The following NR3C1 variants were observed in gnomAD, a reference collection of about 807,000 sequenced individuals.
NR3C1 encodes nuclear receptor subfamily 3 group C member 1.
Under a neutral mutation model 74.0 loss-of-function variants are expected in NR3C1, and 14 were observed. That is an observed-to-expected ratio of 0.19 (90% CI 0.12 to 0.30). The LOEUF (loss-of-function observed/expected upper bound fraction) is 0.30, where lower values mean the gene tolerates loss of function less well. Among genes scored for constraint, NR3C1 ranks in the 10% least tolerant of loss-of-function variants. The pLI is 1.00. For missense variants in NR3C1, 695 were observed against 909.8 expected, an observed-to-expected ratio of 0.76 and a Z score of 3.04; for synonymous variants, 308 against 332.5, an observed-to-expected ratio of 0.93 and a Z score of 0.80.
At chr5:143,376,802 G>C (rs1348872300) in intron 2 of NR3C1, among the ~76,000 whole-genome samples, 1 of 152,160 alleles carries the variant, frequency 6.6e-6, no homozygotes, top group Non-Finnish European at 1.5e-5. Context: ...TCCAGGTGTA[G>C]CTGTGTACCA....
At chr5:143,380,050 G>A (rs1835904254) in intron 2 of NR3C1, among the ~76,000 whole-genome samples, 1 of 152,106 alleles carries the variant, frequency 6.6e-6, no homozygotes, top group Non-Finnish European at 1.5e-5. Flanking sequence ...ATCTAAGTGG[G>A]AAGGCACCCA....
upstream of NR3C1, chr5:143,404,057 G>A (rs968282972): frequency 8.1e-6 from 8 of 985,208 alleles, no homozygotes; most frequent in African/African-American, 1.8e-5. Context: ...CCTCCTTCCC[G>A]CCCCCGCCCA....
intron 7 of NR3C1, among the ~76,000 whole-genome samples, chr5:143,283,584 G>A (rs917189027): frequency 3.3e-5 from 5 of 152,146 alleles, no homozygotes; most frequent in African/African-American, 1.2e-4. Context: ...CTTTAAAATC[G>A]GCATGCAATA....
At chr5:143,424,381 A>T (rs1033955059) in intron 1 of NR3C1, among the ~76,000 whole-genome samples, 8 of 152,132 alleles carry the variant, frequency 5.3e-5, no homozygotes, top group Non-Finnish European at 1.2e-4. Context: ...AATGCTTCTA[A>T]CACAAATACA....
chr5:143,406,036 C>T (rs1841089023), upstream of NR3C1, among the ~76,000 whole-genome samples: 1 of 151,884 alleles, frequency 6.6e-6, no homozygotes, highest in Non-Finnish European at 1.5e-5. Flanking sequence ...GTTAAATAGC[C>T]CATGCTAATA....
intron 2 of NR3C1, among the ~76,000 whole-genome samples, chr5:143,368,782 C>T (rs757375343): frequency 1.3e-5 from 2 of 152,000 alleles, no homozygotes; most frequent in East Asian, 1.9e-4. Context: ...TAACTGAATA[C>T]GTGAGACTGT....
chr5:143,309,211 C>A (rs1820350962), intron 4 of NR3C1, among the ~76,000 whole-genome samples: 1 of 151,790 alleles, frequency 6.6e-6, no homozygotes, highest in Non-Finnish European at 1.5e-5. Flanking sequence ...GTAGCTGGGA[C>A]TACAGGTGAC....
intron 8 of NR3C1, among the ~76,000 whole-genome samples, 186 bp downstream of exon 8, chr5:143,282,382 A>G (rs1374085320): frequency 7.1e-6 from 1 of 141,402 alleles, no homozygotes; most frequent in Non-Finnish European, 1.5e-5. Flanking sequence ...GTGAAAGGAT[A>G]TTTCATAATT....
At chr5:143,345,459 CT>C in intron 2 of NR3C1, among the ~76,000 whole-genome samples, 1 of 152,226 alleles carries the variant, frequency 6.6e-6, no homozygotes, top group Non-Finnish European at 1.5e-5. Context: ...ACCCGCCTGC[CT>C]TGGCCTCCCA....
In NR3C1 at chr5:143,394,186, C is replaced by A. The variant is rs61751246; in HGVS notation, c.1184+5470G>T. On this transcript the variant is annotated intron_variant, in intron 2 of 8. Coordinates refer to ENST00000394464, the MANE Select transcript of NR3C1 (RefSeq NM_000176.3). Reference sequence around the variant, plus strand: ...TATTTAAAAGCACTCGAAATTAATACTTGGGTTACTCTGAAAAAGCATGTT... The same window carrying A: ...TATTTAAAAGCACTCGAAATTAATAATTGGGTTACTCTGAAAAAGCATGTT... 4.2e-3 allele frequency among the ~76,000 whole-genome samples: 645 copies of A among 152,082 alleles called. 2 individuals carry two copies. Among genetic ancestry groups the A allele is most frequent in the African/African-American group, 0.015 (619 of 41,524 alleles).
rs1473567916 is a variant in NR3C1 at position 143,400,458 on chromosome 5, T to C, written c.382A>G (p.Asn128Asp). ...GGAACACTGGTCGACCTATTGAGGT[T>C]TGCAATGCTTTCTTCCAAAAGCTTT... ...DLKLLEESIA[N>D]LNRSTSVPEN... Residue 128 changes from asparagine to aspartate, a missense_variant, in exon 2 of 9, where the codon AAC becomes GAC. Asn to Asp is a conservative substitution (Grantham distance 23). Around this residue, in one of 4 missense-constraint regions of NR3C1, gnomAD observed 497 missense variants for 489.5 expected, o/e 1.02. Transcript: ENST00000394464. The C allele has an allele frequency of 2.5e-6, 4 of 1,614,208 alleles. No individual in the cohort carries two copies. The highest frequency in any genetic ancestry group is 3.4e-6 in the Non-Finnish European group (4 of 1,180,028).
intron 4 of NR3C1, among the ~76,000 whole-genome samples, chr5:143,302,259 A>G (rs758184386): frequency 5.3e-5 from 8 of 152,186 alleles, no homozygotes; most frequent in Non-Finnish European, 8.8e-5. Context: ...TAAGTACCAC[A>G]TAACAACTAT....
chr5:143,402,616 C>G (rs1840513857), intron 1 of NR3C1: 1 of 985,502 alleles, frequency 1.0e-6, no homozygotes, highest in South Asian at 4.7e-5. Flanking sequence ...TGAGTTCTCT[C>G]TCCGACACGC....
At chr5:143,282,476 TG>T in intron 8 of NR3C1, 91 bp downstream of exon 8, 1 of 1,283,264 alleles carries the variant, frequency 7.8e-7, no homozygotes. Context: ...GGGGCGGGGG[TG>T]GGGGCGCTGC....
In NR3C1 at chr5:143,341,673, A is replaced by T. The variant is rs1223383033; in HGVS notation, c.1185-27505T>A. On this transcript the variant is annotated intron_variant, in intron 2 of 8. Coordinates refer to ENST00000394464, the MANE Select transcript of NR3C1 (RefSeq NM_000176.3). ...CCACCAGAAAGTTGAAAGTGAAATG[A>T]TGTTATTTAATATAAACCTGTTCTT... 2.0e-5 allele frequency among the ~76,000 whole-genome samples: 3 copies of T among 152,242 alleles called. 1 individual carries two copies. Among genetic ancestry groups the T allele is most frequent in the Admixed American group, 1.3e-4 (2 of 15,284 alleles).
At chr5:143,357,841 C>T (rs759326995) in intron 2 of NR3C1, among the ~76,000 whole-genome samples, 86 of 152,136 alleles carry the variant, frequency 5.7e-4, no homozygotes, top group Non-Finnish European at 1.0e-3. Context: ...TAGGCCATTC[C>T]GAAAGTCTCC....
chr5:143,395,697 T>C (rs138132244), intron 2 of NR3C1, among the ~76,000 whole-genome samples: 8 of 152,018 alleles, frequency 5.3e-5, no homozygotes, highest in Admixed American at 1.3e-4. Context: ...CTTTAAGAAC[T>C]AAGCCTAAGC....
intron 2 of NR3C1, among the ~76,000 whole-genome samples, chr5:143,339,660 G>C (rs915470666): frequency 6.6e-6 from 1 of 152,130 alleles, no homozygotes; most frequent in Admixed American, 6.5e-5. Context: ...TCTCTGTCCT[G>C]AAGCTAGAAG....
intron 1 of NR3C1, chr5:143,402,561 A>G (rs1370685657): frequency 2.2e-5 from 22 of 977,858 alleles, no homozygotes; most frequent in Non-Finnish European, 2.6e-5. Context: ...GGGGTGGAGA[A>G]GAGAAAAAAG....
Sources: gnomAD v4.1 joint callset for allele counts (sites outside exome capture counted in the v4.1 genomes callset) on GRCh38, gnomAD v4.1.1 for gene constraint, gnomAD v4.1.1 regional missense constraint, MANE v1.5 for transcripts, NCBI Gene and HGNC (gene_info 2026-07-23, HGNC 2026-07-21) for gene names.